ADGRV1: variants seen among roughly 807,000 people sequenced by gnomAD.
The protein encoded by ADGRV1 is adhesion G protein-coupled receptor V1.
In ADGRV1, 359 loss-of-function variants were observed where a neutral mutation model predicts 596.2. The ratio of observed to expected loss-of-function variants is 0.60; its 90% CI spans 0.55 to 0.66. ADGRV1 has a LOEUF of 0.66. Among genes scored for constraint, ADGRV1 ranks in the 30% least tolerant of loss-of-function variants. The pLI is 0.00. For synonymous variants in ADGRV1, 2,681 were observed against 2,679.2 expected (o/e 1.00, Z -0.02); for missense variants, 7,274 against 7,575.6 (o/e 0.96, Z 1.48).
intron 1 of ADGRV1, among the ~76,000 whole-genome samples, chr5:90,603,157 T>G (rs987304524): frequency 7.2e-5 from 11 of 152,326 alleles, no homozygotes; most frequent in African/African-American, 2.6e-4. Flanking sequence ...AGTTGCAGTG[T>G]GTAGAGGTGG....
At chr5:90,907,287 G>T (rs998161809) in intron 83 of ADGRV1, among the ~76,000 whole-genome samples, 3 of 152,022 alleles carry the variant, frequency 2.0e-5, no homozygotes, top group Non-Finnish European at 4.4e-5. Context: ...TATCACTTTG[G>T]TTGGATTCAC....
At chr5:90,872,317 T>C (rs968101112) in intron 83 of ADGRV1, among the ~76,000 whole-genome samples, 1 of 152,192 alleles carries the variant, frequency 6.6e-6, no homozygotes, top group Non-Finnish European at 1.5e-5. Context: ...CTGAGTATTT[T>C]CTAAGTGTTT....
chr5:90,594,136 T>G (rs1043270572), intron 1 of ADGRV1, among the ~76,000 whole-genome samples: 1 of 152,102 alleles, frequency 6.6e-6, no homozygotes, highest in Non-Finnish European at 1.5e-5. Flanking sequence ...GATGCAAAGG[T>G]AAATAAAATA....
intron 83 of ADGRV1, among the ~76,000 whole-genome samples, chr5:90,946,053 A>G (rs1274158642): frequency 1.3e-5 from 2 of 152,168 alleles, no homozygotes; most frequent in Admixed American, 6.5e-5. Context: ...TACAAGGAAT[A>G]TGATCAAGGA....
chr5:90,977,564 A>G (rs1779716570), intron 84 of ADGRV1, among the ~76,000 whole-genome samples: 1 of 152,254 alleles, frequency 6.6e-6, no homozygotes, highest in African/African-American at 2.4e-5. Flanking sequence ...ATATGAAGAT[A>G]TATGAATAAG....
chr5:90,724,861 C>T lies in ADGRV1; in HGVS notation c.9778C>T (p.Gln3260Ter). 6.2e-7 allele frequency: 1 copy of T among 1,613,096 alleles called. No individual in the cohort carries two copies. Among genetic ancestry groups the T allele is most frequent in the South Asian group, 1.1e-5 (1 of 91,020 alleles). ...AATGGATGTTGTGTTTTCCGTATTT[C>T]AAAGTTTTTTGGATGAATCAGCTTC... ...RGMDVVFSVF[Q>*]SFLDESASGW... Residue 3260 changes from glutamine (Q) to a stop codon, truncating the protein, a stop_gained, in exon 46 of 90, where the codon CAA becomes TAA. Transcript: ENST00000405460. LOFTEE classifies it high-confidence loss of function.
chr5:91,070,258 A>G (rs1023860093), intron 85 of ADGRV1, among the ~76,000 whole-genome samples: 1 of 152,206 alleles, frequency 6.6e-6, no homozygotes, highest in Admixed American at 6.5e-5. Flanking sequence ...ACCTAAAATA[A>G]AGGTTGAAGT....
At chr5:90,844,397 A>G (rs78298491) in intron 78 of ADGRV1, among the ~76,000 whole-genome samples, 302 of 152,352 alleles carry the variant, frequency 2.0e-3, no homozygotes, top group Middle Eastern at 3.4e-3. Context: ...ACATGCTAGA[A>G]GTGGCACAAG....
In ADGRV1 at chr5:90,694,548, G is replaced by C; in HGVS notation, c.7792G>C (p.Val2598Leu). Reference sequence around the variant, plus strand: ...TTCCGAAGATGGCTTATTTGTTGAAGTTCAGGAGCAGCCCCAAACCTTGGT... The same window carrying C: ...TTCCGAAGATGGCTTATTTGTTGAACTTCAGGAGCAGCCCCAAACCTTGGT... ...NTSEDGLFVE[V>L]QEQPQTLVEL... is the part of the protein sequence containing the mutation. Residue 2598 changes from valine (V) to leucine (L), a missense_variant, in exon 33 of 90, where the codon GTT becomes CTT. Physicochemically the swap from Val to Leu is conservative, Grantham distance 32. Around this residue, in one of 5 missense-constraint regions of ADGRV1, gnomAD observed 3,643 missense variants for 3,809.2 expected, o/e 0.96. Coordinates refer to ENST00000405460, the MANE Select transcript of ADGRV1 (RefSeq NM_032119.4). The C allele has an allele frequency of 6.2e-7, 1 of 1,613,922 alleles. No homozygotes were observed. The highest frequency in any genetic ancestry group is 8.5e-7 in the Non-Finnish European group (1 of 1,179,826).
intron 85 of ADGRV1, among the ~76,000 whole-genome samples, chr5:91,033,242 C>T (rs1784621518): frequency 6.6e-6 from 1 of 152,020 alleles, no homozygotes; most frequent in South Asian, 2.1e-4. Context: ...ATGTCTTTAA[C>T]TTGTTCTTGA....
At chr5:91,054,102 T>TGTGAGAGAGAGA (rs1299621929) in intron 85 of ADGRV1, among the ~76,000 whole-genome samples, 62 of 126,730 alleles carry the variant, frequency 4.9e-4, no homozygotes, top group African/African-American at 1.0e-3. Context: ...TGTGTGTGTG[T>TGTGAGAGAGAGA]GAGAGAGAGA....
chr5:91,025,124 C>T (rs1187645953), intron 85 of ADGRV1, among the ~76,000 whole-genome samples: 1 of 152,118 alleles, frequency 6.6e-6, no homozygotes, highest in South Asian at 2.1e-4. Context: ...ATATTAATTA[C>T]GGTATAACTC....
chr5:90,623,091 T>A (rs1272376900), intron 5 of ADGRV1, among the ~76,000 whole-genome samples: 1 of 152,226 alleles, frequency 6.6e-6, no homozygotes, highest in African/African-American at 2.4e-5. Flanking sequence ...ATGGCTGCAA[T>A]TTTGAAAATC....
In ADGRV1 at chr5:90,637,821, G is replaced by A. The variant is rs766095678; in HGVS notation, c.2113G>A (p.Asp705Asn). The change falls in exon 11 of 90, where the codon GAT becomes AAT. Residue 705 changes from aspartate to asparagine, a missense_variant. Physicochemically the swap from Asp to Asn is conservative, Grantham distance 23. Transcript: ENST00000405460. ...SGFNSKAVTPDDIGPFNGSVL... is the reference protein window; with the variant it reads ...SGFNSKAVTPNDIGPFNGSVL... ...CTTTAATTCAAAAGCAGTGACCCCG[G>A]ATGATATAGGCCCCTTTAATGGCTC... The A allele has an allele frequency of 6.2e-7, 1 of 1,613,702 alleles. No individual in the cohort carries two copies. The highest frequency in any genetic ancestry group is 1.1e-5 in the South Asian group (1 of 91,062).
chr5:91,112,473 C>G (rs1266822345), intron 87 of ADGRV1, among the ~76,000 whole-genome samples: 2 of 152,188 alleles, frequency 1.3e-5, no homozygotes, highest in African/African-American at 4.8e-5. Flanking sequence ...CACTCCAATA[C>G]TTGAAAGAGC....
chr5:90,686,601 A>G (rs1239200764), intron 29 of ADGRV1, among the ~76,000 whole-genome samples: 3 of 152,008 alleles, frequency 2.0e-5, no homozygotes, highest in Non-Finnish European at 2.9e-5. Flanking sequence ...CATTTTCTTA[A>G]TCCAGTCTAT....
intron 1 of ADGRV1, among the ~76,000 whole-genome samples, chr5:90,595,652 G>C (rs1214149336): frequency 7.9e-6 from 1 of 126,862 alleles, no homozygotes; most frequent in African/African-American, 3.3e-5. Context: ...GCGGCTGGCC[G>C]GGCGGGGAAC....
chr5:90,674,187 A>T lies in ADGRV1; in HGVS notation c.5063A>T (p.Glu1688Val), dbSNP rs1051862011. The change falls in exon 23 of 90, where the codon GAA (glutamate) becomes GTA (valine). Residue 1688 changes from glutamate (E) to valine (V), a missense_variant. Physicochemically the swap from Glu to Val is moderately radical, Grantham distance 121. Around this residue, in one of 5 missense-constraint regions of ADGRV1, gnomAD observed 3,643 missense variants for 3,809.2 expected, o/e 0.96. Transcript: ENST00000405460. ...TPTSGASIDP[E>V]KETTDITIKA... Reference sequence around the variant, plus strand: ...ACCAGTGGTGCAAGCATAGATCCTGAAAAGGAAACGACTGATATCACCATC... The same window carrying T: ...ACCAGTGGTGCAAGCATAGATCCTGTAAAGGAAACGACTGATATCACCATC... 3 of 1,612,334 alleles carry T rather than the reference A, an allele frequency of 1.9e-6. No individual in the cohort carries two copies. Among genetic ancestry groups the T allele is most frequent in the Non-Finnish European group, 2.5e-6 (3 of 1,179,248 alleles).
At chr5:90,934,246 C>G (rs1198442278) in intron 83 of ADGRV1, among the ~76,000 whole-genome samples, 2 of 152,182 alleles carry the variant, frequency 1.3e-5, no homozygotes, top group Non-Finnish European at 2.9e-5. Flanking sequence ...TTCTTCCAGG[C>G]CTTTGATCTC....
Sources: gnomAD v4.1 joint callset for allele counts (sites outside exome capture counted in the v4.1 genomes callset) on GRCh38, gnomAD v4.1.1 for gene constraint, gnomAD v4.1.1 regional missense constraint, MANE v1.5 for transcripts, NCBI Gene and HGNC (gene_info 2026-07-23, HGNC 2026-07-21) for gene names.